Variants in TMEM70 observed in about 807,000 individuals in gnomAD.
TMEM70 encodes transmembrane protein 70, also known as transmembrane protein 70, mitochondrial.
In TMEM70, 15 loss-of-function variants were observed where a neutral mutation model predicts 20.5. That is an observed-to-expected ratio of 0.73 (90% confidence interval 0.49 to 1.13). The LOEUF is 1.13. Among genes scored for constraint, TMEM70 ranks in the 50% most tolerant of loss-of-function variants. TMEM70 has a pLI of 0.00. For missense variants in TMEM70, 344 were observed against 331.7 expected (o/e 1.04, Z -0.29); for synonymous variants, 141 against 134.2 (o/e 1.05, Z -0.35).
intron 1 of TMEM70, among the ~76,000 whole-genome samples, chr8:73,977,739 A>G (rs1448078161): frequency 1.3e-5 from 2 of 152,144 alleles, no homozygotes; most frequent in Non-Finnish European, 2.9e-5. Flanking sequence ...CCTGGGCTCA[A>G]GTGATCCACC....
At position 73,981,237 on chromosome 8, in the gene TMEM70, T is replaced by A. The variant is rs1586636697; in HGVS notation, c.399T>A (p.Ser133=). Reference sequence around the variant, plus strand: ...TTTTTACACAAAATAATGCTATTTCTGAAAGTGTGCCTCTGCCTATTCAAA... The same window carrying A: ...TTTTTACACAAAATAATGCTATTTCAGAAAGTGTGCCTCTGCCTATTCAAA... ...PYIFTQNNAI[S]ESVPLPIQII... Residue 133 remains serine (S), a synonymous_variant, in exon 3 of 3, where the codon TCT becomes TCA. Transcript: ENST00000312184. 6.2e-7 allele frequency: 1 copy of A among 1,614,216 alleles called. No homozygotes were observed. Among genetic ancestry groups the A allele is most frequent in the East Asian group, 2.2e-5 (1 of 44,878 alleles).
chr8:73,976,796 T>G (rs1268187157), intron 1 of TMEM70, among the ~76,000 whole-genome samples: 1 of 152,164 alleles, frequency 6.6e-6, no homozygotes, highest in Non-Finnish European at 1.5e-5. Flanking sequence ...GAAGTGTTAA[T>G]TTGCAAAAAA....
intron 2 of TMEM70, 121 bp downstream of exon 2, chr8:73,978,982 G>A: frequency 2.3e-6 from 3 of 1,291,288 alleles, no homozygotes; most frequent in Non-Finnish European, 3.2e-6. Context: ...AGGAAAATTA[G>A]ATTTTCATTT....
At position 73,981,336 on chromosome 8, in the gene TMEM70, T is replaced by G. The variant is rs1439198542; in HGVS notation, c.498T>G (p.Tyr166Ter). 1 of 1,614,120 alleles carries G rather than the reference T, an allele frequency of 6.2e-7. No homozygotes were observed. ...TGCTTCACTTTATTACAAAAGGCTA[T>G]GTCATTCGATTGTACCATGAGGCCA... is the stretch of plus-strand genomic sequence containing the variant. ...PVLLHFITKG[Y>*]VIRLYHEATT... The change falls in exon 3 of 3, where the codon TAT (tyrosine) becomes TAG (stop). Residue 166 changes from tyrosine to a stop codon, truncating the protein, a stop_gained. Coordinates refer to ENST00000312184, the MANE Select transcript of TMEM70 (RefSeq NM_017866.6). LOFTEE classifies it high-confidence loss of function.
At position 73,981,924 on chromosome 8, in the gene TMEM70, G is replaced by C. The variant is rs1324853864; in HGVS notation, c.*303G>C. On this transcript the variant is annotated 3_prime_UTR_variant, in exon 3 of 3. Coordinates refer to ENST00000312184, the MANE Select transcript of TMEM70 (RefSeq NM_017866.6). ...TCTGATGTCAGTAGCAAATGGGAGA[G>C]TTGCTTTATTCTTTGTGTATGGATT... 1.9e-6 allele frequency: 1 copy of C among 523,980 alleles called. No homozygotes were observed. Among genetic ancestry groups the C allele is most frequent in the Non-Finnish European group, 3.7e-6 (1 of 273,806 alleles). The allele number at this position is 523,980 out of a possible 1,614,324, so 32.5% of individuals were successfully genotyped here.
rs371084319 is a variant in TMEM70, at chr8:73,981,353, A to G, written c.515A>G (p.His172Arg). 9.3e-6 allele frequency: 15 copies of G among 1,614,114 alleles called. No homozygotes were observed. Among genetic ancestry groups the G allele is most frequent in the African/African-American group, 4.0e-5 (3 of 74,940 alleles). The change falls in exon 3 of 3, where the codon CAT becomes CGT. Residue 172 changes from histidine (H) to arginine (R), a missense_variant. Coordinates refer to ENST00000312184, the MANE Select transcript of TMEM70 (RefSeq NM_017866.6). ...ITKGYVIRLY[H>R]EATTDTYKAI... is the part of the protein sequence containing the mutation. The stretch of plus-strand genomic sequence containing the variant: ...AAAGGCTATGTCATTCGATTGTACC[A>G]TGAGGCCACAACAGACACTTATAAA...
rs1274836379 is a variant in TMEM70 at position 73,976,256 on chromosome 8, G to C, written c.-26G>C. ...AGTCGTGGACTCGTGCAGCTGGGGC[G>C]TCCGCAGCCGCTCGTCACCCGCGTG... On this transcript the variant is annotated 5_prime_UTR_variant, in exon 1 of 3. Transcript: ENST00000312184. 31 of 1,591,826 alleles carry C rather than the reference G, an allele frequency of 1.9e-5. No homozygotes were observed. The highest frequency in any genetic ancestry group is 2.6e-5 in the Non-Finnish European group (31 of 1,175,566).
Position 73,981,830 on chromosome 8 carries a change from G to GT in TMEM70, c.*210dup. On this transcript the variant is annotated 3_prime_UTR_variant, in exon 3 of 3. Transcript: ENST00000312184. The stretch of plus-strand genomic sequence containing the variant: ...TATCTACCATTCGTGTTTTAGAAAG[G>GT]TATGTGAATAAATATGTTCATGCTA... The GT allele has an allele frequency of 1.5e-6, 1 of 659,610 alleles. No individual in the cohort carries two copies. Among genetic ancestry groups the GT allele is most frequent in the Non-Finnish European group, 2.8e-6 (1 of 360,730 alleles). 40.9% of individuals were successfully genotyped at this position (659,610 alleles called of 1,614,324 possible). A position where few individuals can be genotyped will look rare whatever the true frequency, so the allele number is the denominator to read the frequency against.
In TMEM70 at chr8:73,982,272, A is replaced by G. The variant is rs749531994; in HGVS notation, c.*651A>G. The G allele has an allele frequency of 8.2e-6, 5 of 608,878 alleles. No individual in the cohort carries two copies. Among genetic ancestry groups the G allele is most frequent in the South Asian group, 6.8e-5 (5 of 73,100 alleles). The allele number at this position is 608,878 out of a possible 1,614,324, so 37.7% of individuals were successfully genotyped here. A position where few individuals can be genotyped will look rare whatever the true frequency, so the allele number is the denominator to read the frequency against. On this transcript the variant is annotated 3_prime_UTR_variant, in exon 3 of 3. Transcript: ENST00000312184. ...AGGAGCAAAGGAAAAGAATCAGTGA[A>G]AGGACCAGTTTGAATGCCTACCAAG...
rs367792607 is a variant in TMEM70 at position 73,981,523 on chromosome 8, C to A, written c.685C>A (p.Arg229Ser). 7 of 1,613,582 alleles carry A rather than the reference C, an allele frequency of 4.3e-6. No individual in the cohort carries two copies. The African/African-American group carries it at 5.3e-5, about 12-fold the overall frequency. ...LLVNPVLFPN[R>S]EDYIHLMGYD... is the part of the protein sequence containing the mutation. Reference sequence around the variant, plus strand: ...AGTTAATCCAGTGCTCTTTCCAAACCGTGAAGACTATATCCATCTAATGGG... The same window carrying A: ...AGTTAATCCAGTGCTCTTTCCAAACAGTGAAGACTATATCCATCTAATGGG... The change falls in exon 3 of 3, where the codon CGT (arginine) becomes AGT (serine). Residue 229 changes from arginine (R) to serine (S), a missense_variant. Arg to Ser is a moderately radical substitution (Grantham distance 110). Coordinates refer to ENST00000312184, the MANE Select transcript of TMEM70 (RefSeq NM_017866.6).
At chr8:73,980,171 C>T (rs182823618) in intron 2 of TMEM70, among the ~76,000 whole-genome samples, 2 of 152,112 alleles carry the variant, frequency 1.3e-5, no homozygotes, top group Non-Finnish European at 2.9e-5. Context: ...TCACTGCAAC[C>T]TCCACCTCCC....
In TMEM70 at chr8:73,976,493, T is replaced by C; in HGVS notation, c.210+2T>C. ...CTCCGGCGTCCGGGTCGAGCGCAGG[T>C]AGGGCGTCCGAGGTCTGGTGTCCCA... On this transcript the variant is annotated splice_donor_variant, in intron 1 of 2. Transcript: ENST00000312184. LOFTEE classifies it high-confidence loss of function. 1 of 1,523,886 alleles carries C rather than the reference T, an allele frequency of 6.6e-7. No homozygotes were observed. The highest frequency in any genetic ancestry group is 8.8e-7 in the Non-Finnish European group (1 of 1,140,880). 94.4% of individuals were successfully genotyped at this position (1,523,886 alleles called of 1,614,324 possible).
Position 73,982,162 on chromosome 8 carries a change from C to T in TMEM70, c.*541C>T, listed in dbSNP as rs771850289. 1.9e-6 allele frequency: 1 copy of T among 537,704 alleles called. No homozygotes were observed. The highest frequency in any genetic ancestry group is 1.4e-5 in the South Asian group (1 of 71,900). The allele number at this position is 537,704 out of a possible 1,614,324, so 33.3% of individuals were successfully genotyped here. A position where few individuals can be genotyped will look rare whatever the true frequency, so the allele number is the denominator to read the frequency against. Reference sequence around the variant, plus strand: ...CATACCAGAAAAACACCCGTGGAGTCAGAGGTGGCAATTCACCGAATTCAT... The same window carrying T: ...CATACCAGAAAAACACCCGTGGAGTTAGAGGTGGCAATTCACCGAATTCAT... On this transcript the variant is annotated 3_prime_UTR_variant, in exon 3 of 3. Coordinates refer to ENST00000312184, the MANE Select transcript of TMEM70 (RefSeq NM_017866.6).
In TMEM70 at chr8:73,982,614, T is replaced by A. The variant is rs1035434214; in HGVS notation, c.*993T>A. On this transcript the variant is annotated 3_prime_UTR_variant, in exon 3 of 3. Transcript: ENST00000312184. ...ACAGGTTTTTGCCTAACCCCTGGCA[T>A]GATTGCCCATAAGAACATACATGTA... 1 of 478,588 alleles carries A rather than the reference T, an allele frequency of 2.1e-6. No individual in the cohort carries two copies. The highest frequency in any genetic ancestry group is 2.0e-5 in the African/African-American group (1 of 51,198). 29.6% of individuals were successfully genotyped at this position (478,588 alleles called of 1,614,324 possible). A position where few individuals can be genotyped will look rare whatever the true frequency, so the allele number is the denominator to read the frequency against.
At position 73,976,207 on chromosome 8, in the gene TMEM70, G is replaced by A; in HGVS notation, c.-75G>A. 3 of 1,400,550 alleles carry A rather than the reference G, an allele frequency of 2.1e-6. No homozygotes were observed. The highest frequency in any genetic ancestry group is 2.9e-6 in the Non-Finnish European group (3 of 1,016,968). 86.8% of individuals were successfully genotyped at this position (1,400,550 alleles called of 1,614,324 possible). A position where few individuals can be genotyped will look rare whatever the true frequency, so the allele number is the denominator to read the frequency against. On this transcript the variant is annotated 5_prime_UTR_variant, in exon 1 of 3. Coordinates refer to ENST00000312184, the MANE Select transcript of TMEM70 (RefSeq NM_017866.6). ...CTGGGCATGCGCCACTTGTGCGGCA[G>A]TCGGGTGGGAAGCCGTGTCTCGCAG...
chr8:73,982,508 TAAA>T lies in TMEM70; in HGVS notation c.*891_*893del. 1.6e-6 allele frequency: 1 copy of T among 631,468 alleles called. No homozygotes were observed. Among genetic ancestry groups the T allele is most frequent in the East Asian group, 3.8e-5 (1 of 26,038 alleles). 39.1% of individuals were successfully genotyped at this position (631,468 alleles called of 1,614,324 possible). ...TTTTCATAAATTGATTACCAGTTGT[TAAA>T]AAATTTTCAAAAAACCGCAAAATTT... On this transcript the variant is annotated 3_prime_UTR_variant, in exon 3 of 3. Coordinates refer to ENST00000312184, the MANE Select transcript of TMEM70 (RefSeq NM_017866.6).
In TMEM70 at chr8:73,982,545, T is replaced by C. The variant is rs1377330397; in HGVS notation, c.*924T>C. 7.6e-6 allele frequency: 4 copies of C among 526,178 alleles called. No homozygotes were observed. The highest frequency in any genetic ancestry group is 6.5e-5 in the Admixed American group (3 of 46,420). 32.6% of individuals were successfully genotyped at this position (526,178 alleles called of 1,614,324 possible). On this transcript the variant is annotated 3_prime_UTR_variant, in exon 3 of 3. Coordinates refer to ENST00000312184, the MANE Select transcript of TMEM70 (RefSeq NM_017866.6). ...AAAAAACCGCAAAATTTCAAGAAAT[T>C]CACAAATTATGGGAGCAGTTTTAAG...
Position 73,981,860 on chromosome 8 carries a change from A to G in TMEM70, c.*239A>G, listed in dbSNP as rs147578337. 9.3e-4 allele frequency: 566 copies of G among 610,100 alleles called. 11 individuals carry two copies. In the East Asian group the frequency reaches 0.019, roughly 21 times the overall value. The allele number at this position is 610,100 out of a possible 1,614,324, so 37.8% of individuals were successfully genotyped here. On this transcript the variant is annotated 3_prime_UTR_variant, in exon 3 of 3. Transcript: ENST00000312184. ...TGAATAAATATGTTCATGCTAGTAT[A>G]AGAGTTCTGTGTTACTGTGGTTGAC...
intron 2 of TMEM70, among the ~76,000 whole-genome samples, chr8:73,980,770 G>A (rs917458800): frequency 2.0e-5 from 3 of 152,222 alleles, no homozygotes; most frequent in African/African-American, 4.8e-5. Flanking sequence ...AATATTTTAT[G>A]TTAGATATAC....
Sources: allele counts gnomAD v4.1 joint callset (sites outside exome capture counted in the v4.1 genomes callset), GRCh38; gene constraint gnomAD v4.1.1; transcripts MANE v1.5; gene names NCBI Gene and HGNC (gene_info 2026-07-23, HGNC 2026-07-21).